Variants in SEC61A2 observed in about 807,000 individuals in gnomAD.
SEC61A2 encodes protein transport protein Sec61 subunit alpha isoform 2.
SEC61A2 carries 28 observed loss-of-function variants against 59.9 expected under a neutral mutation model. That is an observed-to-expected ratio of 0.47 (90% CI 0.35 to 0.64). The LOEUF is 0.64. Among genes scored for constraint, SEC61A2 ranks in the 30% least tolerant of loss-of-function variants. The probability of loss-of-function intolerance (pLI) is 0.01; values close to 1 mark genes in which losing one functional copy is unlikely to be tolerated. For synonymous variants in SEC61A2, 202 were observed against 214.4 expected, an observed-to-expected ratio of 0.94 and a Z score of 0.50; for missense variants, 340 against 585.9, an observed-to-expected ratio of 0.58 and a Z score of 4.33.
At position 12,162,195 on chromosome 10, in the gene SEC61A2, TCG is replaced by T. The variant is rs1459608546; in HGVS notation, c.1168-17_1168-16del. On this transcript the variant is annotated splice_polypyrimidine_tract_variant and intron_variant, in intron 10 of 11. Transcript: ENST00000298428. The surrounding 1 kb of genome is among the most constrained non-coding windows in gnomAD (Gnocchi z 6.1). ...AAATGTTCCAGTTGGATTTTGAAAGTCGTTTTTCTCTCGGCAGGTAGCTAAAC... is the reference window on the plus strand; with the variant it reads ...AAATGTTCCAGTTGGATTTTGAAAGTTTTTTCTCTCGGCAGGTAGCTAAAC... 1.9e-6 allele frequency: 3 copies of T among 1,610,788 alleles called. No homozygotes were observed. In the African/African-American group the frequency reaches 4.0e-5, roughly 22 times the overall value.
Position 12,164,217 on chromosome 10 carries a change from C to A in SEC61A2, c.1245-51C>A, listed in dbSNP as rs376695062. ...TCGACCTGTCTTCGTCTCTAGCTGC[C>A]GTGCTGTTCCTGGTCTCTGCTGCCG... On this transcript the variant is annotated intron_variant, in intron 11 of 11. Coordinates refer to ENST00000298428, the MANE Select transcript of SEC61A2 (RefSeq NM_018144.4). This position sits in a 1 kb window ranked among gnomAD's most constrained non-coding sequence, Gnocchi z 7.3. The A allele has an allele frequency of 1.3e-6, 2 of 1,598,584 alleles. No homozygotes were observed. Among genetic ancestry groups the A allele is most frequent in the Non-Finnish European group, 1.7e-6 (2 of 1,174,172 alleles).
chr10:12,162,282 C>T lies in SEC61A2; in HGVS notation c.1237C>T (p.Leu413Phe). Reference protein sequence around the residue: ...GHRDTSMVHELNRYIPTAAAF... With the variant: ...GHRDTSMVHEFNRYIPTAAAF... ...CCGAGATACCTCTATGGTTCATGAG[C>T]TTAATAGGTAAGGCTGCTAGACTGA... Residue 413 changes from leucine (L) to phenylalanine (F), a missense_variant, in exon 11 of 12, where the codon CTT (leucine) becomes TTT (phenylalanine). Physicochemically the swap from Leu to Phe is conservative, Grantham distance 22. Coordinates refer to ENST00000298428, the MANE Select transcript of SEC61A2 (RefSeq NM_018144.4). This position sits in a 1 kb window ranked among gnomAD's most constrained non-coding sequence, Gnocchi z 6.1. 3 of 1,612,296 alleles carry T rather than the reference C, an allele frequency of 1.9e-6. No homozygotes were observed.
chr10:12,153,800 A>G lies in SEC61A2; in HGVS notation c.463-1978A>G. ...AGCTATGATTGGATCAGTGTGTTTC[A>G]CCCAGAAACATAGGTTTTGAAAACT... On this transcript the variant is annotated intron_variant, in intron 6 of 11. Transcript: ENST00000298428. This position sits in a 1 kb window ranked among gnomAD's most constrained non-coding sequence, Gnocchi z 5.2. 4.4e-6 allele frequency: 7 copies of G among 1,603,990 alleles called. No individual in the cohort carries two copies. The highest frequency in any genetic ancestry group is 6.0e-6 in the Non-Finnish European group (7 of 1,176,448).
At chr10:12,141,491 A>T (rs1834019478) in intron 3 of SEC61A2, among the ~76,000 whole-genome samples, 1 of 152,208 alleles carries the variant, frequency 6.6e-6, no homozygotes, top group Non-Finnish European at 1.5e-5. Flanking sequence ...ATAGGAAGCA[A>T]TCTGAACTTA....
chr10:12,136,855 C>T (rs1347309046), intron 3 of SEC61A2, among the ~76,000 whole-genome samples: 1 of 152,100 alleles, frequency 6.6e-6, no homozygotes, highest in African/African-American at 2.4e-5. Flanking sequence ...GTCTCGAACT[C>T]CTGACCTCAA....
chr10:12,159,135 G>A (rs1588645199), intron 9 of SEC61A2, among the ~76,000 whole-genome samples: 1 of 151,626 alleles, frequency 6.6e-6, no homozygotes, highest in African/African-American at 2.4e-5. Flanking sequence ...CCGCCACCAC[G>A]CCCAGCTAAT....
chr10:12,159,127 G>A (rs933577868), intron 9 of SEC61A2, among the ~76,000 whole-genome samples: 7 of 151,690 alleles, frequency 4.6e-5, no homozygotes, highest in African/African-American at 1.2e-4. Context: ...ACAGGCGCCC[G>A]CCACCACGCC....
chr10:12,149,553 T>A lies in SEC61A2; in HGVS notation c.221-42T>A, dbSNP rs891001175. ...GACACCTCTAAATCAGTTTGTATCGTGTACAGCAAACATTGCACACTTCTC... is the reference window on the plus strand; with the variant it reads ...GACACCTCTAAATCAGTTTGTATCGAGTACAGCAAACATTGCACACTTCTC... On this transcript the variant is annotated intron_variant, in intron 4 of 11. Coordinates refer to ENST00000298428, the MANE Select transcript of SEC61A2 (RefSeq NM_018144.4). The surrounding 1 kb of genome is among the most constrained non-coding windows in gnomAD (Gnocchi z 5.2). 4 of 1,555,970 alleles carry A rather than the reference T, an allele frequency of 2.6e-6. No homozygotes were observed. The African/African-American group carries it at 5.5e-5, about 21-fold the overall frequency.
At position 12,158,282 on chromosome 10, in the gene SEC61A2, T is replaced by C; in HGVS notation, c.975+177T>C. 1 of 583,624 alleles carries C rather than the reference T, an allele frequency of 1.7e-6. No individual in the cohort carries two copies. Among genetic ancestry groups the C allele is most frequent in the Non-Finnish European group, 3.0e-6 (1 of 338,558 alleles). 36.2% of individuals were successfully genotyped at this position (583,624 alleles called of 1,614,324 possible). A position where few individuals can be genotyped will look rare whatever the true frequency, so the allele number is the denominator to read the frequency against. The stretch of plus-strand genomic sequence containing the variant: ...ACTGGTAAGTGTTGCAGAAGTAAGA[T>C]TGCCCAAGCGCTTTTTATTATTTTG... On this transcript the variant is annotated intron_variant, in intron 9 of 11. Coordinates refer to ENST00000298428, the MANE Select transcript of SEC61A2 (RefSeq NM_018144.4). This position sits in a 1 kb window ranked among gnomAD's most constrained non-coding sequence, Gnocchi z 5.7.
rs534693249 is a variant in SEC61A2 at position 12,136,202 on chromosome 10, C to T, written c.141+32C>T. On this transcript the variant is annotated intron_variant, in intron 3 of 11. Transcript: ENST00000298428. ...AACTATACTATTAAATAAATGTCTG[C>T]ACCATTGTTCTAAGGTTTTGATTGG... is the stretch of plus-strand genomic sequence containing the variant. The T allele has an allele frequency of 8.3e-6, 11 of 1,326,052 alleles. No homozygotes were observed. In the East Asian group the frequency reaches 1.6e-4, roughly 19 times the overall value. 82.1% of individuals were successfully genotyped at this position (1,326,052 alleles called of 1,614,324 possible).
At chr10:12,146,314 G>A (rs1464569729) in intron 4 of SEC61A2, among the ~76,000 whole-genome samples, 1 of 151,746 alleles carries the variant, frequency 6.6e-6, no homozygotes, top group Non-Finnish European at 1.5e-5. Context: ...CACTGTGCCT[G>A]GCCCCAGATT....
chr10:12,168,695 C>T (rs1834773111), downstream of SEC61A2, among the ~76,000 whole-genome samples: 2 of 152,192 alleles, frequency 1.3e-5, no homozygotes, highest in South Asian at 2.1e-4. The surrounding 1 kb of genome is among the most constrained non-coding windows in gnomAD (Gnocchi z 4.8). Flanking sequence ...ATGTCCTACT[C>T]ACCTGGGCAC....
At chr10:12,163,956 T>C (rs1434898853) in intron 11 of SEC61A2, among the ~76,000 whole-genome samples, 3 of 152,154 alleles carry the variant, frequency 2.0e-5, no homozygotes, top group Non-Finnish European at 4.4e-5. Flanking sequence ...GAACGAAAGG[T>C]TACTCATTTA....
intron 2 of SEC61A2, among the ~76,000 whole-genome samples, chr10:12,135,855 C>G (rs1833870164): frequency 6.6e-6 from 1 of 152,058 alleles, no homozygotes; most frequent in Non-Finnish European, 1.5e-5. Flanking sequence ...TCTTCTTTAT[C>G]CAGTCATCAA....
chr10:12,135,547 G>A (rs1833864496), intron 2 of SEC61A2, among the ~76,000 whole-genome samples: 1 of 152,164 alleles, frequency 6.6e-6, no homozygotes, highest in South Asian at 2.1e-4. Context: ...GGCTTTGAGT[G>A]TATCCATCAC....
chr10:12,143,639 A>G lies in SEC61A2; in HGVS notation c.220+444A>G, dbSNP rs1366807359. ...TCCCAGCTACTCAGGAGGCTGAGGT[A>G]AGAGAATCGCTTGAACCTGGGAGAT... On this transcript the variant is annotated intron_variant, in intron 4 of 11. Coordinates refer to ENST00000298428, the MANE Select transcript of SEC61A2 (RefSeq NM_018144.4). The surrounding 1 kb of genome is among the most constrained non-coding windows in gnomAD (Gnocchi z 4.8). Among the ~76,000 whole-genome samples the G allele has an allele frequency of 6.6e-6, 1 of 152,116 alleles. No homozygotes were observed. The highest frequency in any genetic ancestry group is 6.6e-5 in the Admixed American group (1 of 15,258).
In SEC61A2 at chr10:12,149,694, AAGAT is replaced by A. The variant is rs763569769; in HGVS notation, c.324_327del (p.Asp108GlufsTer13). ...ATCATTGAAGTTGGAGATACACCGA[AAGAT>A]AGAGCTTTATTCAATGGAGCCCAGA... On this transcript the variant is annotated frameshift_variant, in exon 5 of 12. Transcript: ENST00000298428. LOFTEE classifies it high-confidence loss of function. The surrounding 1 kb of genome is among the most constrained non-coding windows in gnomAD (Gnocchi z 5.2). The A allele has an allele frequency of 1.2e-6, 2 of 1,613,750 alleles. No individual in the cohort carries two copies. Among genetic ancestry groups the A allele is most frequent in the Non-Finnish European group, 1.7e-6 (2 of 1,179,960 alleles).
chr10:12,167,900 CTA>C (rs1834745840), downstream of SEC61A2: 1 of 1,559,054 alleles, frequency 6.4e-7, no homozygotes, highest in African/African-American at 1.4e-5. Flanking sequence ...GCAGGTACTA[CTA>C]TATGTCACTT....
At chr10:12,136,656 GT>G (rs1833895078) in intron 3 of SEC61A2, among the ~76,000 whole-genome samples, 1 of 152,048 alleles carries the variant, frequency 6.6e-6, no homozygotes, top group South Asian at 2.1e-4. Context: ...TTGAGATGGA[GT>G]TTCACATTGT....
Sources: allele counts gnomAD v4.1 joint callset (sites outside exome capture counted in the v4.1 genomes callset), GRCh38; gene constraint gnomAD v4.1.1; non-coding constraint Gnocchi (gnomAD v3.1); transcripts MANE v1.5; gene names NCBI Gene and HGNC (gene_info 2026-07-23, HGNC 2026-07-21).